Variants in BCL9 observed in about 807,000 individuals in gnomAD.
BCL9 encodes the protein B-cell CLL/lymphoma 9 protein.
BCL9 carries 25 observed loss-of-function variants against 88.5 expected under a neutral mutation model. The ratio of observed to expected loss-of-function variants is 0.28; its 90% CI spans 0.21 to 0.39. BCL9 has a LOEUF of 0.39. BCL9 is among the 10% of genes least tolerant of loss of function. The pLI is 1.00. For synonymous variants in BCL9, 711 were observed against 673.3 expected (o/e 1.06, Z -0.87); for missense variants, 1,817 against 1,877.8 (o/e 0.97, Z 0.60).
intron 1 of BCL9, among the ~76,000 whole-genome samples, chr1:147,556,420 A>G (rs1655117066): frequency 6.7e-6 from 1 of 149,754 alleles, no homozygotes; most frequent in African/African-American, 2.5e-5. Flanking sequence ...CACCGCGCCC[A>G]GCCTCATTTA....
intron 1 of BCL9, among the ~76,000 whole-genome samples, chr1:147,580,185 T>A (rs1183184966): frequency 1.3e-5 from 2 of 152,188 alleles, no homozygotes; most frequent in African/African-American, 2.4e-5. Flanking sequence ...ATGGATAGAA[T>A]AGATGGATTG....
At chr1:147,588,635 C>A (rs1242090552) in intron 1 of BCL9, among the ~76,000 whole-genome samples, 1 of 152,046 alleles carries the variant, frequency 6.6e-6, no homozygotes, top group Non-Finnish European at 1.5e-5. Context: ...GAGGATTTGT[C>A]CCAAATTCAG....
At position 147,625,899 on chromosome 1, in the gene BCL9, A is replaced by G. The variant is rs1439518228; in HGVS notation, c.*940A>G. Reference sequence around the variant, plus strand: ...AGCGTCCTCTTGGCTCTGAGAGGGAAAGGTCTGTCCTTGGGATGCTCTCTG... The same window carrying G: ...AGCGTCCTCTTGGCTCTGAGAGGGAGAGGTCTGTCCTTGGGATGCTCTCTG... On this transcript the variant is annotated 3_prime_UTR_variant, in exon 10 of 10. Coordinates refer to ENST00000234739, the MANE Select transcript of BCL9 (RefSeq NM_004326.4). The G allele has an allele frequency of 1.7e-5, 4 of 232,902 alleles. No individual in the cohort carries two copies. Among genetic ancestry groups the G allele is most frequent in the East Asian group, 1.2e-4 (2 of 16,522 alleles). 14.4% of individuals were successfully genotyped at this position (232,902 alleles called of 1,614,324 possible).
chr1:147,569,779 G>T (rs782514569), intron 1 of BCL9, among the ~76,000 whole-genome samples: 3 of 152,186 alleles, frequency 2.0e-5, no homozygotes, highest in East Asian at 1.9e-4. Flanking sequence ...GATCAGGGCC[G>T]ATGGCAGTGA....
At chr1:147,543,755 C>A (rs920242511) in intron 1 of BCL9, among the ~76,000 whole-genome samples, 5 of 152,064 alleles carry the variant, frequency 3.3e-5, no homozygotes, top group African/African-American at 1.2e-4. Flanking sequence ...TGATCTGAGG[C>A]GGGTGCAACA....
chr1:147,583,518 T>C (rs961127184), intron 1 of BCL9, among the ~76,000 whole-genome samples: 2 of 151,780 alleles, frequency 1.3e-5, no homozygotes, highest in African/African-American at 2.4e-5. Flanking sequence ...CCTCAGGTGA[T>C]CTGTCTACCT....
intron 1 of BCL9, among the ~76,000 whole-genome samples, chr1:147,595,671 G>A (rs1350043633): frequency 4.6e-5 from 7 of 152,066 alleles, no homozygotes; most frequent in Non-Finnish European, 7.3e-5. Flanking sequence ...GCAACATAGT[G>A]AGACTATCTC....
In BCL9 at chr1:147,619,762, A is replaced by C. The variant is rs1253374267; in HGVS notation, c.1607A>C (p.Asp536Ala). ...CCTGGGGGTACAGAGCCATTTTCTG[A>C]TGGTATCAACATGCCACATTCTCTG... is the stretch of plus-strand genomic sequence containing the variant. ...WAPGGTEPFS[D>A]GINMPHSLPP... The change falls in exon 8 of 10, where the codon GAT becomes GCT. Residue 536 changes from aspartate to alanine, a missense_variant. Physicochemically the swap from Asp to Ala is moderately radical, Grantham distance 126. This residue lies in a region of BCL9 where 1,228 missense variants were observed against 1,191.6 expected (regional missense o/e 1.03). Transcript: ENST00000234739. The surrounding 1 kb of genome is among the most constrained non-coding windows in gnomAD (Gnocchi z 4.1). The C allele has an allele frequency of 6.2e-7, 1 of 1,613,876 alleles. No homozygotes were observed. Among genetic ancestry groups the C allele is most frequent in the East Asian group, 2.2e-5 (1 of 44,836 alleles).
Position 147,612,882 on chromosome 1 carries a change from G to A in BCL9, c.54-1G>A, listed in dbSNP as rs782789331. 1.2e-6 allele frequency: 2 copies of A among 1,613,442 alleles called. No individual in the cohort carries two copies. The highest frequency in any genetic ancestry group is 8.5e-7 in the Non-Finnish European group (1 of 1,179,640). On this transcript the variant is annotated splice_acceptor_variant, in intron 4 of 9. Transcript: ENST00000234739. LOFTEE classifies it high-confidence loss of function. ...CTTCCTTTGTTATTTGTTTCTTTTA[G>A]TAGCCCTAAGTCAAAGCAGGAGGTG... is the stretch of plus-strand genomic sequence containing the variant.
At chr1:147,616,679 A>C (rs1658302181) in intron 7 of BCL9, among the ~76,000 whole-genome samples, 1 of 151,964 alleles carries the variant, frequency 6.6e-6, no homozygotes, top group Non-Finnish European at 1.5e-5. Flanking sequence ...AGGCAGGAGA[A>C]TGGCCTGAAC....
At chr1:147,607,258 C>T (rs771655447) in intron 3 of BCL9, among the ~76,000 whole-genome samples, 2 of 152,124 alleles carry the variant, frequency 1.3e-5, no homozygotes, top group African/African-American at 2.4e-5. Context: ...TAGTTGATCC[C>T]GTCTTAGTTA....
chr1:147,560,606 TA>T (rs781932914), intron 1 of BCL9, among the ~76,000 whole-genome samples: 12 of 141,534 alleles, frequency 8.5e-5, no homozygotes, highest in Non-Finnish European at 1.2e-4. Context: ...AGACTTCATC[TA>T]AAAAAAAAAA....
intron 8 of BCL9, 117 bp from the exon 9 acceptor site, chr1:147,622,154 C>T: frequency 1.5e-6 from 2 of 1,375,198 alleles, no homozygotes; most frequent in African/African-American, 1.4e-5. Context: ...GATCTAATAA[C>T]ACTGTCCTGT....
intron 1 of BCL9, among the ~76,000 whole-genome samples, chr1:147,579,009 G>C (rs1369729233): frequency 1.3e-5 from 2 of 152,178 alleles, no homozygotes; most frequent in East Asian, 3.9e-4. Context: ...GGGATTACAG[G>C]CGCCTGCCAC....
At chr1:147,546,339 A>T (rs1329504329) in intron 1 of BCL9, among the ~76,000 whole-genome samples, 2 of 152,112 alleles carry the variant, frequency 1.3e-5, no homozygotes, top group African/African-American at 2.4e-5. Flanking sequence ...CTCCAAAAAA[A>T]AAAAATAATA....
chr1:147,564,471 T>G (rs1453693322), intron 1 of BCL9, among the ~76,000 whole-genome samples: 12 of 152,150 alleles, frequency 7.9e-5, no homozygotes, highest in Admixed American at 1.3e-4. Context: ...AAATAAAGTC[T>G]GAAGTGATTG....
intron 1 of BCL9, among the ~76,000 whole-genome samples, chr1:147,580,439 T>C (rs1362222187): frequency 6.6e-6 from 1 of 152,190 alleles, no homozygotes; most frequent in African/African-American, 2.4e-5. Flanking sequence ...AAGATTCTCC[T>C]TGGGCTCATC....
chr1:147,578,762 T>C (rs1230809026), intron 1 of BCL9, among the ~76,000 whole-genome samples: 1 of 152,266 alleles, frequency 6.6e-6, no homozygotes. Flanking sequence ...GTTTGTGTCA[T>C]ATTAACTTGT....
intron 1 of BCL9, among the ~76,000 whole-genome samples, chr1:147,553,543 C>T (rs1390508): frequency 0.18 from 27,210 of 152,140 alleles, 6,579 homozygotes; most frequent in African/African-American, 0.55. Context: ...TCTCCAAGAG[C>T]ATCCAGCAGA....
Sources: gnomAD v4.1 joint callset for allele counts (sites outside exome capture counted in the v4.1 genomes callset) on GRCh38, gnomAD v4.1.1 for gene constraint, gnomAD v4.1.1 regional missense constraint, Gnocchi (gnomAD v3.1) non-coding constraint, MANE v1.5 for transcripts, NCBI Gene and HGNC (gene_info 2026-07-23, HGNC 2026-07-21) for gene names.